The following CD96 variants were observed in gnomAD, a reference collection of about 807,000 sequenced individuals.
CD96 encodes T-cell surface protein tactile.
Under a neutral mutation model 71.3 loss-of-function variants are expected in CD96, and 70 were observed. The observed-to-expected ratio is 0.98, with a 90% CI of 0.81 to 1.20. The LOEUF is 1.20. Ranked by LOEUF, CD96 falls within the 50% of genes most tolerant of loss-of-function variation. The pLI is 0.00. For missense variants in CD96, 742 were observed against 677.5 expected, an observed-to-expected ratio of 1.10 and a Z score of -1.06; for synonymous variants, 248 against 233.0, an observed-to-expected ratio of 1.06 and a Z score of -0.59.
rs186800621 is a variant in CD96 at position 111,546,980 on chromosome 3, T to C, written c.418+1578T>C. On this transcript the variant is annotated intron_variant, in intron 2 of 13. Transcript: ENST00000352690. Reference sequence around the variant, plus strand: ...CAATTAAGGATGGAGTGGAGTGGGATTGAAGTAAAGAGAAATGGAAGACCT... The same window carrying C: ...CAATTAAGGATGGAGTGGAGTGGGACTGAAGTAAAGAGAAATGGAAGACCT... Among the ~76,000 whole-genome samples the C allele has an allele frequency of 1.7e-4, 24 of 142,492 alleles. No homozygotes were observed. The East Asian group carries it at 1.7e-3, about 10-fold the overall frequency. The allele number at this position is 142,492 out of a possible 152,430, so 93.5% of individuals were successfully genotyped here. A position where few individuals can be genotyped will look rare whatever the true frequency, so the allele number is the denominator to read the frequency against.
chr3:111,616,934 G>A (rs1267724146), intron 8 of CD96, among the ~76,000 whole-genome samples: 1 of 152,202 alleles, frequency 6.6e-6, no homozygotes, highest in Non-Finnish European at 1.5e-5. Flanking sequence ...TGCAGGCTCA[G>A]AAGGGCCTGC....
At chr3:111,633,677 G>A (rs1285851472) in intron 10 of CD96, 1 of 152,406 alleles carries the variant, frequency 6.6e-6, no homozygotes, top group Non-Finnish European at 1.5e-5. Context: ...AGAGTATGAG[G>A]GCCACATTTG....
At chr3:111,607,245 CTCAGTGGGGAGTTTAAGAGATTGG>C (rs1937662436) in intron 8 of CD96, among the ~76,000 whole-genome samples, 1 of 152,130 alleles carries the variant, frequency 6.6e-6, no homozygotes, top group Non-Finnish European at 1.5e-5. Context: ...AAACAATGTT[CTCAGTGGGGAGTTTAAGAGATTGG>C]TTGTAAATGG....
At chr3:111,562,465 C>T (rs1935500441) in intron 2 of CD96, among the ~76,000 whole-genome samples, 1 of 152,082 alleles carries the variant, frequency 6.6e-6, no homozygotes, top group Non-Finnish European at 1.5e-5. Context: ...CATTTTGTTT[C>T]ATTTTAGTAA....
chr3:111,601,171 A>G (rs1263046158), intron 7 of CD96, among the ~76,000 whole-genome samples: 2 of 152,346 alleles, frequency 1.3e-5, no homozygotes, highest in African/African-American at 4.8e-5. Flanking sequence ...TTTTGTTCCA[A>G]TTTAATTCAT....
intron 13 of CD96, among the ~76,000 whole-genome samples, chr3:111,649,091 T>C (rs945239042): frequency 7.9e-5 from 12 of 152,320 alleles, no homozygotes; most frequent in Middle Eastern, 3.4e-3. Flanking sequence ...ATAGTGAGTG[T>C]TTGGGCAAAG....
At chr3:111,568,330 T>A (rs912648696) in intron 3 of CD96, among the ~76,000 whole-genome samples, 4 of 152,140 alleles carry the variant, frequency 2.6e-5, no homozygotes, top group Admixed American at 1.3e-4. Flanking sequence ...TGGTCTATTA[T>A]TTTGATGTTA....
chr3:111,638,080 C>A lies in CD96; in HGVS notation c.1389C>A (p.Asp463Glu). 6.3e-7 allele frequency: 1 copy of A among 1,583,906 alleles called. No homozygotes were observed. Among genetic ancestry groups the A allele is most frequent in the African/African-American group, 1.3e-5 (1 of 74,360 alleles). Residue 463 changes from aspartate to glutamate, a missense_variant and splice_region_variant, in exon 12 of 14, where the codon GAC becomes GAA. Transcript: ENST00000352690. ...SPSGAGSTLHDNVFTSTARAF... is the reference protein window; with the variant it reads ...SPSGAGSTLHENVFTSTARAF... The stretch of plus-strand genomic sequence containing the variant: ...CAGATATCCCCTTTATATCCCTAGA[C>A]AATGTCTTTACCAGCACAGCCAGAG...
chr3:111,614,631 AT>A (rs1311748044), intron 8 of CD96, among the ~76,000 whole-genome samples: 1 of 151,896 alleles, frequency 6.6e-6, no homozygotes, highest in Non-Finnish European at 1.5e-5. Flanking sequence ...GATTCTTTTC[AT>A]GGCACCCTAT....
intron 6 of CD96, among the ~76,000 whole-genome samples, chr3:111,600,433 G>A (rs1436893948): frequency 1.3e-5 from 2 of 152,240 alleles, no homozygotes; most frequent in Admixed American, 6.5e-5. Flanking sequence ...ACACAATGCT[G>A]ATGAGCTGGG....
intron 6 of CD96, 32 bp from the exon 7 acceptor site, chr3:111,600,694 A>G (rs1184644190): frequency 1.4e-6 from 2 of 1,454,090 alleles, no homozygotes; most frequent in Admixed American, 1.7e-5. Flanking sequence ...ATAAAATGTT[A>G]GTGTTGAACC....
intron 2 of CD96, 89 bp from the exon 3 acceptor site, chr3:111,567,434 A>G: frequency 9.6e-7 from 1 of 1,039,988 alleles, no homozygotes; most frequent in Non-Finnish European, 1.5e-6. Context: ...ATGAATCCCT[A>G]TACTAAAACT....
At chr3:111,661,251 G>A (rs1433548343) in intron 14 of CD96, among the ~76,000 whole-genome samples, 2 of 152,178 alleles carry the variant, frequency 1.3e-5, no homozygotes, top group Non-Finnish European at 2.9e-5. Context: ...CCATGATCCA[G>A]TCACCTCCCA....
chr3:111,635,781 A>T (rs1939299217), intron 10 of CD96, among the ~76,000 whole-genome samples: 1 of 152,224 alleles, frequency 6.6e-6, no homozygotes, highest in Non-Finnish European at 1.5e-5. Context: ...AAATTAATTT[A>T]TCCCATTCTT....
At chr3:111,566,806 T>C (rs1935734180) in intron 2 of CD96, among the ~76,000 whole-genome samples, 1 of 152,150 alleles carries the variant, frequency 6.6e-6, no homozygotes. Context: ...GGGAGGAATG[T>C]TTATAAACTC....
intron 7 of CD96, among the ~76,000 whole-genome samples, chr3:111,606,345 A>G (rs531361395): frequency 2.0e-5 from 3 of 152,330 alleles, no homozygotes; most frequent in African/African-American, 4.8e-5. Context: ...ATTAAATGCT[A>G]TAATAGTTTT....
At chr3:111,633,870 C>G (rs1318319586) in intron 10 of CD96, 2 of 152,622 alleles carry the variant, frequency 1.3e-5, no homozygotes, top group African/African-American at 4.8e-5. Context: ...GCCACCTATA[C>G]TGTTGTTCAA....
chr3:111,598,254 A>G, intron 6 of CD96, 44 bp downstream of exon 6: 1 of 839,682 alleles, frequency 1.2e-6, no homozygotes, highest in South Asian at 1.3e-5. Flanking sequence ...ACAAAAAGAA[A>G]GAAAACAAAG....
In CD96 at chr3:111,647,226, A is replaced by G. The variant is rs145568566; in HGVS notation, c.1478-317A>G. Among the ~76,000 whole-genome samples, 335 of 152,180 alleles carry G rather than the reference A, an allele frequency of 2.2e-3. 1 individual carries two copies. Among genetic ancestry groups the G allele is most frequent in the Middle Eastern group, 6.8e-3 (2 of 292 alleles). On this transcript the variant is annotated intron_variant, in intron 12 of 13. Transcript: ENST00000352690. ...TTGCACATGTACCCCTGAACCTAAAATAGTGAAAAAAAAGAAAAAGAAATC... is the reference window on the plus strand; with the variant it reads ...TTGCACATGTACCCCTGAACCTAAAGTAGTGAAAAAAAAGAAAAAGAAATC...
Sources: gnomAD v4.1 joint callset for allele counts (sites outside exome capture counted in the v4.1 genomes callset) on GRCh38, gnomAD v4.1.1 for gene constraint, MANE v1.5 for transcripts, NCBI Gene and HGNC (gene_info 2026-07-23, HGNC 2026-07-21) for gene names.